SLC38A4: variants seen among roughly 807,000 people sequenced by gnomAD.
SLC38A4 encodes the protein sodium-coupled neutral amino acid transporter 4.
Under a neutral mutation model 63.1 loss-of-function variants are expected in SLC38A4, and 20 were observed. The observed-to-expected ratio is 0.32, with a 90% CI of 0.22 to 0.46. The LOEUF is 0.46. Among genes scored for constraint, SLC38A4 ranks in the 20% least tolerant of loss-of-function variants. The pLI, the probability that SLC38A4 is intolerant of heterozygous loss-of-function variation, is 1.00. For missense variants in SLC38A4, 526 were observed against 663.6 expected, an observed-to-expected ratio of 0.79 and a Z score of 2.28; for synonymous variants, 230 against 225.5, an observed-to-expected ratio of 1.02 and a Z score of -0.18.
chr12:46,824,733 A>T, intron 1 of SLC38A4, among the ~76,000 whole-genome samples: 1 of 152,220 alleles, frequency 6.6e-6, no homozygotes, highest in Non-Finnish European at 1.5e-5. Context: ...ATGGAAAACA[A>T]GTGGTTGCCG....
chr12:46,792,252 T>C (rs1265344789), intron 3 of SLC38A4, among the ~76,000 whole-genome samples: 4 of 152,076 alleles, frequency 2.6e-5, no homozygotes, highest in Non-Finnish European at 4.4e-5. Flanking sequence ...AAAGTAGGTG[T>C]ATTTGAAGCA....
intron 1 of SLC38A4, among the ~76,000 whole-genome samples, chr12:46,811,115 C>A (rs886747241): frequency 3.9e-5 from 6 of 151,944 alleles, no homozygotes; most frequent in African/African-American, 1.4e-4. Flanking sequence ...TCATCTCATT[C>A]ATTCAACAAA....
At chr12:46,774,242 C>T (rs1312015440) in intron 14 of SLC38A4, among the ~76,000 whole-genome samples, 1 of 152,014 alleles carries the variant, frequency 6.6e-6, no homozygotes, top group East Asian at 1.9e-4. Context: ...ATATGCAAGC[C>T]CTGTATGGAA....
At chr12:46,807,171 G>A (rs1253915496) in intron 1 of SLC38A4, among the ~76,000 whole-genome samples, 2 of 151,980 alleles carry the variant, frequency 1.3e-5, no homozygotes, top group African/African-American at 4.8e-5. Context: ...AAACAGTAAT[G>A]ACTAAGAAAC....
chr12:46,817,871 TA>T (rs1565678752), intron 1 of SLC38A4, among the ~76,000 whole-genome samples: 1 of 152,068 alleles, frequency 6.6e-6, no homozygotes, highest in African/African-American at 2.4e-5. Flanking sequence ...TTAGTAAAAT[TA>T]CTTAGATATA....
intron 2 of SLC38A4, among the ~76,000 whole-genome samples, chr12:46,795,688 C>T (rs1338458992): frequency 6.6e-6 from 1 of 152,056 alleles, no homozygotes; most frequent in Non-Finnish European, 1.5e-5. Flanking sequence ...CTTTATTTTG[C>T]CTTCAAACTT....
intron 4 of SLC38A4, among the ~76,000 whole-genome samples, 200 bp from the exon 5 acceptor site, chr12:46,788,231 C>T (rs549714662): frequency 2.6e-5 from 4 of 152,184 alleles, no homozygotes; most frequent in Admixed American, 2.6e-4. Flanking sequence ...CAGCAGAGGC[C>T]TCAGTAAAAA....
At chr12:46,815,740 T>G (rs1213215982) in intron 1 of SLC38A4, among the ~76,000 whole-genome samples, 1 of 151,920 alleles carries the variant, frequency 6.6e-6, no homozygotes. Context: ...CTGTATTTCT[T>G]GGCTAAAAAT....
At chr12:46,782,065 T>C (rs1235315771) in intron 7 of SLC38A4, among the ~76,000 whole-genome samples, 1 of 152,028 alleles carries the variant, frequency 6.6e-6, no homozygotes, top group Non-Finnish European at 1.5e-5. Flanking sequence ...CCCAAGATTG[T>C]AGTCTTAACA....
chr12:46,782,598 C>T (rs1363434840), intron 7 of SLC38A4, among the ~76,000 whole-genome samples: 1 of 151,612 alleles, frequency 6.6e-6, no homozygotes, highest in Non-Finnish European at 1.5e-5. Flanking sequence ...TAGTTTTTCA[C>T]AATCATCATA....
upstream of SLC38A4, among the ~76,000 whole-genome samples, chr12:46,826,532 A>G (rs1251397681): frequency 6.6e-6 from 1 of 152,228 alleles, no homozygotes; most frequent in East Asian, 1.9e-4. Flanking sequence ...ATGATTCTAA[A>G]TGTTTTACAA....
intron 1 of SLC38A4, among the ~76,000 whole-genome samples, chr12:46,817,749 G>T (rs1251914226): frequency 6.6e-6 from 1 of 151,756 alleles, no homozygotes; most frequent in African/African-American, 2.4e-5. Flanking sequence ...TAATCAGACT[G>T]ACTGGGATTT....
At chr12:46,830,875 G>C (rs1054754444), upstream of SLC38A4, among the ~76,000 whole-genome samples, 2 of 152,236 alleles carry the variant, frequency 1.3e-5, no homozygotes, top group African/African-American at 4.8e-5. Context: ...GCGCCAACCT[G>C]TCCCGGCCCT....
intron 1 of SLC38A4, among the ~76,000 whole-genome samples, chr12:46,809,090 A>G (rs961314037): frequency 2.0e-5 from 3 of 152,022 alleles, no homozygotes; most frequent in Non-Finnish European, 4.4e-5. Flanking sequence ...TAATTTCATT[A>G]GTGATTGGAC....
chr12:46,803,472 T>C (rs1254843706), intron 2 of SLC38A4, 131 bp downstream of exon 2: 1 of 151,986 alleles, frequency 6.6e-6, no homozygotes, highest in Non-Finnish European at 1.5e-5. Context: ...ATTTCTAAAA[T>C]GAGGAAAAAA....
intron 1 of SLC38A4, among the ~76,000 whole-genome samples, chr12:46,815,444 A>G (rs1592195659): frequency 6.7e-6 from 1 of 150,190 alleles, no homozygotes; most frequent in Non-Finnish European, 1.5e-5. Flanking sequence ...TTCCTTTTTT[A>G]TTTTTGCACA....
chr12:46,826,931 A>G (rs1375062310), upstream of SLC38A4, among the ~76,000 whole-genome samples: 4 of 152,244 alleles, frequency 2.6e-5, no homozygotes, highest in Admixed American at 6.5e-5. Context: ...CTGTCAAAAA[A>G]CAGAAAGAAA....
chr12:46,800,638 C>T (rs192009857), intron 2 of SLC38A4, among the ~76,000 whole-genome samples: 1 of 152,064 alleles, frequency 6.6e-6, no homozygotes, highest in Non-Finnish European at 1.5e-5. Flanking sequence ...ATGCTCTCCT[C>T]TCCTGCGTAG....
chr12:46,810,696 G>A (rs1939323194), intron 1 of SLC38A4, among the ~76,000 whole-genome samples: 1 of 151,592 alleles, frequency 6.6e-6, no homozygotes, highest in Non-Finnish European at 1.5e-5. Context: ...ATATTTGCCG[G>A]CTAACCTTTA....
Sources: allele counts gnomAD v4.1 joint callset (sites outside exome capture counted in the v4.1 genomes callset), GRCh38; gene constraint gnomAD v4.1.1; transcripts MANE v1.5; gene names NCBI Gene and HGNC (gene_info 2026-07-23, HGNC 2026-07-21).